Variants in NLRP11 observed in about 807,000 individuals in gnomAD.
NLRP11 encodes NACHT, LRR and PYD domains-containing protein 11.
Under a neutral mutation model 79.3 loss-of-function variants are expected in NLRP11, and 53 were observed. That is an observed-to-expected ratio of 0.67 (90% CI 0.54 to 0.84). NLRP11 has a LOEUF of 0.84. Among genes scored for constraint, NLRP11 ranks in the 40% least tolerant of loss-of-function variants. NLRP11 has a pLI of 0.00. For synonymous variants in NLRP11, 518 were observed against 462.6 expected, an observed-to-expected ratio of 1.12 and a Z score of -1.54; for missense variants, 1,264 against 1,255.0, an observed-to-expected ratio of 1.01 and a Z score of -0.11.
chr19:55,809,999 G>C lies in NLRP11; in HGVS notation c.611C>G (p.Ala204Gly), dbSNP rs1483895909. The C allele has an allele frequency of 1.2e-6, 2 of 1,614,086 alleles. No individual in the cohort carries two copies. Among genetic ancestry groups the C allele is most frequent in the East Asian group, 2.2e-5 (1 of 44,886 alleles). Residue 204 changes from alanine (A) to glycine (G), a missense_variant, in exon 3 of 10, where the codon GCC becomes GGC. Ala to Gly is a moderately conservative substitution (Grantham distance 60). Coordinates refer to ENST00000589093, the Ensembl canonical transcript of NLRP11. This position sits in a 1 kb window ranked among gnomAD's most constrained non-coding sequence, Gnocchi z 4.5. The stretch of plus-strand genomic sequence containing the variant: ...AGCCTGGCCGTCAGGCCAGTCCTTG[G>C]CGATTAGCTCAGCCAAGCTGCTGTT...
chr19:55,818,511 T>C (rs766789235), intron 1 of NLRP11, among the ~76,000 whole-genome samples: 2 of 152,242 alleles, frequency 1.3e-5, no homozygotes, highest in Non-Finnish European at 2.9e-5. Context: ...AGGTTGAGAA[T>C]TGAGTATCAT....
intron 2 of NLRP11, among the ~76,000 whole-genome samples, chr19:55,817,546 C>A (rs530162198): frequency 4.6e-5 from 7 of 151,950 alleles, no homozygotes; most frequent in Admixed American, 2.6e-4. Context: ...GGATTAGAGA[C>A]CATTATTCTA....
In NLRP11 at chr19:55,809,182, T is replaced by C. The variant is rs764275167; in HGVS notation, c.1428A>G (p.Arg476=). Residue 476 remains arginine (R), a synonymous_variant, in exon 3 of 10, where the codon AGA becomes AGG. Coordinates refer to ENST00000589093, the Ensembl canonical transcript of NLRP11. This position sits in a 1 kb window ranked among gnomAD's most constrained non-coding sequence, Gnocchi z 4.5. ...ATTGTTCTCTCTTCTCTTTATACTC[T>C]CTGCTGCCTGAGGGGATCAGATAGT... 2.5e-6 allele frequency: 4 copies of C among 1,613,674 alleles called. No homozygotes were observed. Among genetic ancestry groups the C allele is most frequent in the African/African-American group, 1.3e-5 (1 of 74,942 alleles).
At chr19:55,789,649 C>T (rs1293714970) in intron 7 of NLRP11, among the ~76,000 whole-genome samples, 1 of 152,164 alleles carries the variant, frequency 6.6e-6, no homozygotes, top group Non-Finnish European at 1.5e-5. Flanking sequence ...GAAACTGAGG[C>T]CAGAATGTTT....
chr19:55,792,423 T>A lies in NLRP11; in HGVS notation c.2391A>T (p.Arg797Ser), dbSNP rs200978866. 1.9e-4 allele frequency: 303 copies of A among 1,613,998 alleles called. No individual in the cohort carries two copies. Among genetic ancestry groups the A allele is most frequent in the Non-Finnish European group, 2.5e-4 (297 of 1,179,972 alleles). ...TTAGAGTTGGGCTGAACAGAAGCAC[T>A]CTTCCAAGGGCGCTGCAGCAATTTT... The change falls in exon 7 of 10, where the codon AGA becomes AGT. Residue 797 changes from arginine to serine, a missense_variant. Arg to Ser is a moderately radical substitution (Grantham distance 110). Coordinates refer to ENST00000589093, the Ensembl canonical transcript of NLRP11.
chr19:55,836,365 C>G (rs1983282701), upstream of NLRP11: 1 of 152,124 alleles, frequency 6.6e-6, no homozygotes, highest in South Asian at 2.1e-4. Flanking sequence ...CCGCTCTATA[C>G]GACACCAGGA....
At chr19:55,836,070 G>C (rs1346356015), upstream of NLRP11, among the ~76,000 whole-genome samples, 1 of 152,210 alleles carries the variant, frequency 6.6e-6, no homozygotes, top group Non-Finnish European at 1.5e-5. Context: ...GTTACAGTGG[G>C]CCGAGATGAC....
chr19:55,833,312 A>C (rs923090258), upstream of NLRP11, among the ~76,000 whole-genome samples: 2 of 152,196 alleles, frequency 1.3e-5, no homozygotes, highest in African/African-American at 4.8e-5. Context: ...TCCCAATAGA[A>C]ATTTTCATAT....
chr19:55,817,820 G>GGAA (rs1555803816), intron 2 of NLRP11, 84 bp downstream of exon 2: 12,358 of 832,586 alleles, frequency 0.015, 64 homozygotes, highest in South Asian at 0.024. Flanking sequence ...AACCTATTTA[G>GGAA]AAAAAAAAAA....
At position 55,796,935 on chromosome 19, in the gene NLRP11, C is replaced by T. The variant is rs1367190887; in HGVS notation, c.2172-685G>A. ...AACTCCCGGCCTCAGGGGATCCACC[C>T]GCCTCGGCCTCCCAAAGTGCTGCGA... On this transcript the variant is annotated intron_variant, in intron 5 of 9. Coordinates refer to ENST00000589093, the Ensembl canonical transcript of NLRP11. 2.6e-5 allele frequency among the ~76,000 whole-genome samples: 4 copies of T among 152,154 alleles called. No homozygotes were observed. In the East Asian group the frequency reaches 5.8e-4, roughly 22 times the overall value.
At chr19:55,830,597 C>CT in intron 1 of NLRP11, among the ~76,000 whole-genome samples, 1 of 84,926 alleles carries the variant, frequency 1.2e-5, no homozygotes, top group Non-Finnish European at 2.0e-5. Flanking sequence ...TCTTAGCTTC[C>CT]TAAAAAAAAA....
chr19:55,835,661 G>A (rs1367059828), upstream of NLRP11, among the ~76,000 whole-genome samples: 1 of 141,700 alleles, frequency 7.1e-6, no homozygotes, highest in Non-Finnish European at 1.5e-5. Context: ...GGCCAACATG[G>A]TGAAACCCTG....
At chr19:55,811,822 A>T (rs1376870925) in intron 2 of NLRP11, among the ~76,000 whole-genome samples, 2 of 152,154 alleles carry the variant, frequency 1.3e-5, no homozygotes, top group East Asian at 3.9e-4. Flanking sequence ...TTTATTGATT[A>T]GGTTATCTGT....
intron 2 of NLRP11, 76 bp from the exon 3 acceptor site, chr19:55,810,414 T>C: frequency 7.4e-7 from 1 of 1,348,572 alleles, no homozygotes; most frequent in Non-Finnish European, 1.0e-6. Flanking sequence ...TTTAGCTTCT[T>C]TTCATGTTTA....
Position 55,796,164 on chromosome 19 carries a change from A to T in NLRP11, c.2258T>A (p.Leu753Ter), listed in dbSNP as rs758490226. 1 of 1,614,102 alleles carries T rather than the reference A, an allele frequency of 6.2e-7. No individual in the cohort carries two copies. The highest frequency in any genetic ancestry group is 1.1e-5 in the South Asian group (1 of 91,076). Residue 753 changes from leucine (L) to a stop codon, truncating the protein, a stop_gained, in exon 6 of 10, where the codon TTA (leucine) becomes TAA (stop). Coordinates refer to ENST00000589093, the Ensembl canonical transcript of NLRP11. LOFTEE classifies it high-confidence loss of function. ...GTCGCTCCTCAGCGGATTGCTGGAT[A>T]AGGTCAGTTTTCTCAGACTCCCGCC... is the stretch of plus-strand genomic sequence containing the variant.
intron 6 of NLRP11, among the ~76,000 whole-genome samples, chr19:55,794,502 T>C (rs1223552586): frequency 6.6e-6 from 1 of 152,212 alleles, no homozygotes; most frequent in African/African-American, 2.4e-5. Context: ...GGCTCACATC[T>C]GTAATCCCAG....
At chr19:55,834,361 G>T (rs1037780908), upstream of NLRP11, among the ~76,000 whole-genome samples, 4 of 152,030 alleles carry the variant, frequency 2.6e-5, no homozygotes, top group Non-Finnish European at 5.9e-5. Context: ...CACAAAAGAG[G>T]CAACAAATGG....
At chr19:55,798,957 C>T (rs963089348) in intron 5 of NLRP11, among the ~76,000 whole-genome samples, 13 of 152,214 alleles carry the variant, frequency 8.5e-5, no homozygotes, top group Middle Eastern at 3.4e-3. Context: ...AACAACAGAC[C>T]TAGAAAATTT....
In NLRP11 at chr19:55,789,366, AC is replaced by A; in HGVS notation, c.2546del (p.Cys849PhefsTer6). The A allele has an allele frequency of 6.2e-7, 1 of 1,614,016 alleles. No homozygotes were observed. The highest frequency in any genetic ancestry group is 8.5e-7 in the Non-Finnish European group (1 of 1,179,954). ...TAGCAATAACTATGGCAATATATTG[AC>A]AGATATCGCTGCTAAAGAAACAGCC... is the stretch of plus-strand genomic sequence containing the variant. On this transcript the variant is annotated frameshift_variant, in exon 8 of 10. Coordinates refer to ENST00000589093, the Ensembl canonical transcript of NLRP11. LOFTEE classifies it high-confidence loss of function.
Sources: gnomAD v4.1 joint callset for allele counts (sites outside exome capture counted in the v4.1 genomes callset) on GRCh38, gnomAD v4.1.1 for gene constraint, Gnocchi (gnomAD v3.1) non-coding constraint, MANE v1.5 for transcripts, NCBI Gene and HGNC (gene_info 2026-07-23, HGNC 2026-07-21) for gene names.